SEPSECS: variants seen among roughly 807,000 people sequenced by gnomAD.
SEPSECS encodes O-phosphoseryl-tRNA(Sec) selenium transferase.
In SEPSECS, 42 loss-of-function variants were observed where a neutral mutation model predicts 52.1. The ratio of observed to expected loss-of-function variants is 0.81; its 90% CI spans 0.63 to 1.04. SEPSECS has a LOEUF of 1.04. SEPSECS is among the 50% of genes least tolerant of loss of function. The pLI is 0.00. For missense variants in SEPSECS, 590 were observed against 610.6 expected (o/e 0.97, Z 0.36); for synonymous variants, 216 against 211.4 (o/e 1.02, Z -0.19).
intron 5 of SEPSECS, among the ~76,000 whole-genome samples, chr4:25,153,327 T>C (rs1429080153): frequency 6.6e-6 from 1 of 151,788 alleles, no homozygotes; most frequent in African/African-American, 2.4e-5. Flanking sequence ...ATAATTTCTT[T>C]GAAAATAAGG....
intron 1 of SEPSECS, chr4:25,159,990 T>G (rs1171285357): frequency 1.0e-5 from 10 of 985,208 alleles, no homozygotes; most frequent in Non-Finnish European, 1.2e-5. Flanking sequence ...TTCCCTCACT[T>G]CCGCATCCCG....
chr4:25,159,572 G>A, intron 1 of SEPSECS: 1 of 418,862 alleles, frequency 2.4e-6, no homozygotes, highest in Non-Finnish European at 4.8e-6. Flanking sequence ...AGGAGTTTGA[G>A]ATCAGCCTGG....
chr4:25,142,036 G>C (rs2109018906), intron 8 of SEPSECS, among the ~76,000 whole-genome samples: 1 of 152,334 alleles, frequency 6.6e-6, no homozygotes, highest in African/African-American at 2.4e-5. Flanking sequence ...CAACACCCTG[G>C]GAGGCCAAGG....
chr4:25,157,539 CTT>C (rs143797424), intron 2 of SEPSECS, among the ~76,000 whole-genome samples: 147 of 137,178 alleles, frequency 1.1e-3, no homozygotes, highest in African/African-American at 3.1e-3. Context: ...ATTAAATTAT[CTT>C]TTTTTTTTTT....
At chr4:25,149,633 A>G (rs1712185186) in intron 6 of SEPSECS, among the ~76,000 whole-genome samples, 1 of 152,154 alleles carries the variant, frequency 6.6e-6, no homozygotes, top group African/African-American at 2.4e-5. Flanking sequence ...TCATTTTCCT[A>G]AACTTTTAGT....
In SEPSECS at chr4:25,145,109, C is replaced by T. The variant is rs777391592; in HGVS notation, c.829G>A (p.Ala277Thr). ...QQGARVGRID[A>T]FVQSLDKNFM... is the part of the protein sequence containing the mutation. ...TTTTTGTCCAAGCTCTGAACAAAAG[C>T]ATCTATTCTACCAACTCGAGCCCCC... is the stretch of plus-strand genomic sequence containing the variant. The change falls in exon 7 of 11, where the codon GCT becomes ACT. Residue 277 changes from alanine (A) to threonine (T), a missense_variant. Physicochemically the swap from Ala to Thr is moderately conservative, Grantham distance 58. Transcript: ENST00000382103. The T allele has an allele frequency of 1.2e-6, 2 of 1,613,900 alleles. No homozygotes were observed. The highest frequency in any genetic ancestry group is 2.2e-5 in the South Asian group (2 of 91,062).
rs767269181 is a variant in SEPSECS, at chr4:25,160,319, G to C, written c.51C>G (p.Tyr17Ter). Residue 17 changes from tyrosine to a stop codon, truncating the protein, a stop_gained, in exon 1 of 11, where the codon TAC (tyrosine) becomes TAG (stop). Coordinates refer to ENST00000382103, the MANE Select transcript of SEPSECS (RefSeq NM_016955.4). LOFTEE classifies it high-confidence loss of function. The part of the protein sequence containing the change: ...AAGERLVSPA[Y>*]VRQGCEARRS... ...GGCGGGCCTCACAGCCCTGCCGCAC[G>C]TAAGCCGGCGACACCAGCCGCTCTC... 6.5e-7 allele frequency: 1 copy of C among 1,548,944 alleles called. No homozygotes were observed. The highest frequency in any genetic ancestry group is 8.7e-7 in the Non-Finnish European group (1 of 1,146,036).
rs1712603350 is a variant in SEPSECS, at chr4:25,156,023, G to T, written c.547+14C>A. ...TTATGATGTTTAAAACATTATGTAT[G>T]ACACTTCTCTTACCTGCAGTGATCA... On this transcript the variant is annotated intron_variant, in intron 4 of 10. Transcript: ENST00000382103. 6.2e-7 allele frequency: 1 copy of T among 1,606,822 alleles called. No individual in the cohort carries two copies. Among genetic ancestry groups the T allele is most frequent in the South Asian group, 1.1e-5 (1 of 90,872 alleles).
At chr4:25,129,274 C>A (rs1217238398) in intron 8 of SEPSECS, among the ~76,000 whole-genome samples, 1 of 151,900 alleles carries the variant, frequency 6.6e-6, no homozygotes, top group Non-Finnish European at 1.5e-5. Context: ...TTTAAGGAGA[C>A]AAATGTCATT....
At chr4:25,152,255 G>C (rs1009110704) in intron 5 of SEPSECS, among the ~76,000 whole-genome samples, 193 bp from the exon 6 acceptor site, 9 of 151,922 alleles carry the variant, frequency 5.9e-5, no homozygotes, top group African/African-American at 2.2e-4. Context: ...AAGCTCTTTC[G>C]AATAAACCTA....
intron 5 of SEPSECS, among the ~76,000 whole-genome samples, chr4:25,154,732 A>G (rs1712513042): frequency 6.6e-6 from 1 of 152,190 alleles, no homozygotes; most frequent in Non-Finnish European, 1.5e-5. Context: ...GAAACAGGAC[A>G]AAGAGCAAGA....
Position 25,123,659 on chromosome 4 carries a change from T to C in SEPSECS, c.*272A>G, listed in dbSNP as rs1728226408. On this transcript the variant is annotated 3_prime_UTR_variant, in exon 11 of 11. Transcript: ENST00000382103. ...ACTGTCATTACACTAGTAAAAATTATCTGAGTCATGATGCTTAATTGACAG... is the reference window on the plus strand; with the variant it reads ...ACTGTCATTACACTAGTAAAAATTACCTGAGTCATGATGCTTAATTGACAG... 2.2e-6 allele frequency: 1 copy of C among 446,084 alleles called. No individual in the cohort carries two copies. The highest frequency in any genetic ancestry group is 4.1e-6 in the Non-Finnish European group (1 of 244,636). The allele number at this position is 446,084 out of a possible 1,614,324, so 27.6% of individuals were successfully genotyped here. A position where few individuals can be genotyped will look rare whatever the true frequency, so the allele number is the denominator to read the frequency against.
chr4:25,129,663 T>G (rs1728532709), intron 8 of SEPSECS, among the ~76,000 whole-genome samples: 1 of 151,872 alleles, frequency 6.6e-6, no homozygotes, highest in African/African-American at 2.4e-5. Flanking sequence ...AGTGCTGGGA[T>G]TACACCTGGC....
chr4:25,140,632 C>T (rs1157287702), intron 8 of SEPSECS, among the ~76,000 whole-genome samples: 1 of 152,148 alleles, frequency 6.6e-6, no homozygotes, highest in Non-Finnish European at 1.5e-5. Context: ...GTGCCTTCCA[C>T]ATAGTAAGTG....
At chr4:25,159,310 G>A (rs929285498) in intron 1 of SEPSECS, among the ~76,000 whole-genome samples, 4 of 152,180 alleles carry the variant, frequency 2.6e-5, no homozygotes, top group African/African-American at 9.7e-5. Flanking sequence ...CAGATTTCGA[G>A]AAGTGATGAT....
rs1017717668 is a variant in SEPSECS, at chr4:25,121,166, C to T, written c.*2765G>A. 1.3e-5 allele frequency: 2 copies of T among 152,092 alleles called. No homozygotes were observed. Among genetic ancestry groups the T allele is most frequent in the East Asian group, 1.9e-4 (1 of 5,198 alleles). The allele number at this position is 152,092 out of a possible 1,614,324, so 9.4% of individuals were successfully genotyped here. A position where few individuals can be genotyped will look rare whatever the true frequency, so the allele number is the denominator to read the frequency against. On this transcript the variant is annotated 3_prime_UTR_variant, in exon 11 of 11. Transcript: ENST00000382103. ...AAGATTTACAGTTGAACACCAGGTT[C>T]CTAAGGCTGGCGTCACATATCATTC... is the stretch of plus-strand genomic sequence containing the variant.
chr4:25,158,397 T>C (rs1235893655), intron 2 of SEPSECS, among the ~76,000 whole-genome samples: 1 of 152,274 alleles, frequency 6.6e-6, no homozygotes, highest in Non-Finnish European at 1.5e-5. Flanking sequence ...ACCAATTAAC[T>C]ACCAATTAAA....
At position 25,122,135 on chromosome 4, in the gene SEPSECS, G is replaced by A. The variant is rs1728152050; in HGVS notation, c.*1796C>T. On this transcript the variant is annotated 3_prime_UTR_variant, in exon 11 of 11. Coordinates refer to ENST00000382103, the MANE Select transcript of SEPSECS (RefSeq NM_016955.4). ...TCCAGCATTTATTCCCTTGAAATGA[G>A]TTACTACACCTATGTAAATTTTTTT... 1 of 152,048 alleles carries A rather than the reference G, an allele frequency of 6.6e-6. No individual in the cohort carries two copies. The highest frequency in any genetic ancestry group is 2.4e-5 in the African/African-American group (1 of 41,422). 9.4% of individuals were successfully genotyped at this position (152,048 alleles called of 1,614,324 possible).
In SEPSECS at chr4:25,145,365, T is replaced by A. The variant is rs572910816; in HGVS notation, c.805-232A>T. Among the ~76,000 whole-genome samples, 85 of 152,300 alleles carry A rather than the reference T, an allele frequency of 5.6e-4. 2 individuals are homozygous for A. The highest frequency in any genetic ancestry group is 5.3e-3 in the Admixed American group (81 of 15,302). On this transcript the variant is annotated intron_variant, in intron 6 of 10. Transcript: ENST00000382103. Reference sequence around the variant, plus strand: ...AAATAAACACCATTAAAACAATGCATGGAAAAAACAATTGAAAAATTTTAT... The same window carrying A: ...AAATAAACACCATTAAAACAATGCAAGGAAAAAACAATTGAAAAATTTTAT...
Sources: gnomAD v4.1 joint callset for allele counts (sites outside exome capture counted in the v4.1 genomes callset) on GRCh38, gnomAD v4.1.1 for gene constraint, MANE v1.5 for transcripts, NCBI Gene and HGNC (gene_info 2026-07-23, HGNC 2026-07-21) for gene names.